ZCWPW2: variants seen among roughly 807,000 people sequenced by gnomAD.
ZCWPW2 encodes the protein zinc finger CW-type and PWWP domain containing 2, also known as zinc finger CW-type PWWP domain protein 2.
In ZCWPW2, 45 loss-of-function variants were observed where a neutral mutation model predicts 46.6. The ratio of observed to expected loss-of-function variants is 0.96; its 90% confidence interval spans 0.76 to 1.24. The LOEUF (loss-of-function observed/expected upper bound fraction) is 1.24, where lower values mean the gene tolerates loss of function less well. Among genes scored for constraint, ZCWPW2 ranks in the 50% most tolerant of loss-of-function variants. The probability of loss-of-function intolerance (pLI) is 0.00; values close to 1 mark genes in which losing one functional copy is unlikely to be tolerated. For missense variants in ZCWPW2, 429 were observed against 403.9 expected, an observed-to-expected ratio of 1.06 and a Z score of -0.53; for synonymous variants, 152 against 137.1, an observed-to-expected ratio of 1.11 and a Z score of -0.76.
At chr3:28,373,280 A>G (rs959174104) in intron 1 of ZCWPW2, among the ~76,000 whole-genome samples, 7 of 152,218 alleles carry the variant, frequency 4.6e-5, no homozygotes, top group African/African-American at 1.4e-4. Flanking sequence ...CCAAAAGAAT[A>G]GGAGGGTTCC....
At chr3:28,408,428 T>C (rs1266390214) in intron 2 of ZCWPW2, among the ~76,000 whole-genome samples, 2 of 152,192 alleles carry the variant, frequency 1.3e-5, no homozygotes, top group Non-Finnish European at 2.9e-5. Flanking sequence ...ATTTGCATTA[T>C]TAATATTGTC....
chr3:28,521,910 C>G (rs913520028), intron 9 of ZCWPW2, among the ~76,000 whole-genome samples: 10 of 152,144 alleles, frequency 6.6e-5, no homozygotes, highest in Non-Finnish European at 1.5e-4. Context: ...GACACTGACT[C>G]TGAAATATAA....
chr3:28,447,684 A>T, intron 4 of ZCWPW2: 1 of 430,888 alleles, frequency 2.3e-6, no homozygotes, highest in Non-Finnish European at 4.5e-6. Context: ...AAGAAATAAA[A>T]GATATCTAGC....
At chr3:28,484,244 TG>T (rs1341792114) in intron 5 of ZCWPW2, among the ~76,000 whole-genome samples, 1 of 152,124 alleles carries the variant, frequency 6.6e-6, no homozygotes, top group Non-Finnish European at 1.5e-5. Context: ...GCTGTTGATG[TG>T]ATTAATTGAT....
intron 6 of ZCWPW2, among the ~76,000 whole-genome samples, chr3:28,501,371 T>C (rs1184090825): frequency 6.6e-6 from 1 of 152,156 alleles, no homozygotes; most frequent in African/African-American, 2.4e-5. Context: ...AATCTCCTGG[T>C]TTTTGGAAGA....
intron 2 of ZCWPW2, 55 bp from the exon 3 acceptor site, chr3:28,413,001 T>C: frequency 1.4e-6 from 2 of 1,411,112 alleles, no homozygotes. Flanking sequence ...TTGAATTTTC[T>C]CTCCTTATAC....
intron 4 of ZCWPW2, among the ~76,000 whole-genome samples, chr3:28,455,830 T>G (rs1698401772): frequency 6.6e-6 from 1 of 152,174 alleles, no homozygotes; most frequent in Non-Finnish European, 1.5e-5. Context: ...TTTATTATGT[T>G]TCATTGGTCT....
At position 28,402,565 on chromosome 3, in the gene ZCWPW2, C is replaced by G. The variant is rs139913786; in HGVS notation, c.-13-10491C>G. On this transcript the variant is annotated intron_variant, in intron 2 of 9. Coordinates refer to ENST00000383768, the MANE Select transcript of ZCWPW2 (RefSeq NM_001040432.4). The stretch of plus-strand genomic sequence containing the variant: ...CTAAATCATTCTATGAAGCCAGTAT[C>G]ACCCTAATACCAAAACGAGAAAAAG... Among the ~76,000 whole-genome samples the G allele has an allele frequency of 4.1e-3, 631 of 152,234 alleles. 5 individuals carry two copies. Among genetic ancestry groups the G allele is most frequent in the Non-Finnish European group, 5.5e-3 (374 of 68,004 alleles).
At chr3:28,505,041 T>A (rs1452517695) in intron 6 of ZCWPW2, among the ~76,000 whole-genome samples, 1 of 152,162 alleles carries the variant, frequency 6.6e-6, no homozygotes, top group African/African-American at 2.4e-5. Flanking sequence ...TAGAGCTCCT[T>A]GAAGTTTCCT....
chr3:28,437,713 T>A (rs891721296), intron 4 of ZCWPW2, among the ~76,000 whole-genome samples: 5 of 152,238 alleles, frequency 3.3e-5, no homozygotes, highest in African/African-American at 1.2e-4. Context: ...ATATTTTTAT[T>A]ATAGATTTAT....
At chr3:28,479,826 A>G (rs1699367500) in intron 5 of ZCWPW2, among the ~76,000 whole-genome samples, 1 of 152,136 alleles carries the variant, frequency 6.6e-6, no homozygotes, top group Non-Finnish European at 1.5e-5. Context: ...ATCCAGCTCC[A>G]TCCATGTCCC....
chr3:28,417,559 CA>C (rs1394178631), intron 3 of ZCWPW2, among the ~76,000 whole-genome samples: 1 of 150,492 alleles, frequency 6.6e-6, no homozygotes, highest in Non-Finnish European at 1.5e-5. Context: ...AGAGACACAA[CA>C]AAAAAAGAGA....
intron 4 of ZCWPW2, among the ~76,000 whole-genome samples, chr3:28,459,401 G>A (rs1334713539): frequency 7.9e-5 from 12 of 151,728 alleles, no homozygotes; most frequent in Admixed American, 6.6e-4. Context: ...AACAAAAAAC[G>A]TATTCTTGAA....
chr3:28,413,095 G>A lies in ZCWPW2; in HGVS notation c.27G>A (p.Lys9=), dbSNP rs2125740875. 1 of 1,611,164 alleles carries A rather than the reference G, an allele frequency of 6.2e-7. No homozygotes were observed. The highest frequency in any genetic ancestry group is 8.5e-7 in the Non-Finnish European group (1 of 1,178,430). Residue 9 remains lysine (K), a synonymous_variant, in exon 3 of 10, where the codon AAG becomes AAA. Coordinates refer to ENST00000383768, the MANE Select transcript of ZCWPW2 (RefSeq NM_001040432.4). ...TGGATAAAGAAAAATTGGATGTTAA[G>A]ATTGAATATTGTAACTATGCAATGG... MDKEKLDV[K]IEYCNYAMDS...
chr3:28,390,857 G>A (rs914494799), intron 2 of ZCWPW2, among the ~76,000 whole-genome samples: 1 of 152,116 alleles, frequency 6.6e-6, no homozygotes, highest in African/African-American at 2.4e-5. Flanking sequence ...ACTTTGAAGT[G>A]GATAACATCA....
chr3:28,402,452 T>C (rs897640781), intron 2 of ZCWPW2, among the ~76,000 whole-genome samples: 3 of 152,068 alleles, frequency 2.0e-5, no homozygotes, highest in Non-Finnish European at 4.4e-5. Context: ...ATGAGGCAGA[T>C]TCACAGCAAA....
intron 3 of ZCWPW2, among the ~76,000 whole-genome samples, chr3:28,429,653 G>A (rs1008120611): frequency 6.6e-6 from 1 of 152,178 alleles, no homozygotes; most frequent in East Asian, 1.9e-4. Flanking sequence ...AGGTCTTCAT[G>A]GTAGCCCTTC....
chr3:28,386,405 T>A (rs1228905138), intron 1 of ZCWPW2, among the ~76,000 whole-genome samples: 1 of 152,152 alleles, frequency 6.6e-6, no homozygotes, highest in Non-Finnish European at 1.5e-5. Flanking sequence ...TAATAAGTTG[T>A]TTAAGTTATC....
chr3:28,399,462 T>C (rs985178193), intron 2 of ZCWPW2, among the ~76,000 whole-genome samples: 2 of 152,186 alleles, frequency 1.3e-5, no homozygotes, highest in Non-Finnish European at 2.9e-5. Flanking sequence ...GTTACCTCCC[T>C]GCAGGAGGCC....
Sources: gnomAD v4.1 joint callset for allele counts (sites outside exome capture counted in the v4.1 genomes callset) on GRCh38, gnomAD v4.1.1 for gene constraint, MANE v1.5 for transcripts, NCBI Gene and HGNC (gene_info 2026-07-23, HGNC 2026-07-21) for gene names.